CGNL1: variants seen among roughly 807,000 people sequenced by gnomAD.
The protein encoded by CGNL1 is cingulin like 1.
In CGNL1, 132 loss-of-function variants were observed where a neutral mutation model predicts 141.2. That is an observed-to-expected ratio of 0.93 (90% CI 0.81 to 1.08). The LOEUF is 1.08. Ranked by LOEUF, CGNL1 falls within the 50% of genes least tolerant of loss-of-function variation. CGNL1 has a pLI of 0.00. For synonymous variants in CGNL1, 690 were observed against 622.1 expected, an observed-to-expected ratio of 1.11 and a Z score of -1.63; for missense variants, 1,870 against 1,588.6, an observed-to-expected ratio of 1.18 and a Z score of -3.01.
chr15:57,417,348 C>A (rs1192293185), intron 1 of CGNL1, among the ~76,000 whole-genome samples: 1 of 152,170 alleles, frequency 6.6e-6, no homozygotes, highest in African/African-American at 2.4e-5. Context: ...ATTCTCATGC[C>A]TCAGCCTCCC....
chr15:57,531,188 T>C (rs1214409952), intron 13 of CGNL1, among the ~76,000 whole-genome samples: 1 of 152,268 alleles, frequency 6.6e-6, no homozygotes, highest in Non-Finnish European at 1.5e-5. Flanking sequence ...GTTAATCCAA[T>C]GCAGGTTTGG....
Position 57,452,208 on chromosome 15 carries a change from A to T in CGNL1, c.1973A>T (p.His658Leu). The T allele has an allele frequency of 1.2e-6, 2 of 1,614,104 alleles. No homozygotes were observed. Among genetic ancestry groups the T allele is most frequent in the Non-Finnish European group, 8.5e-7 (1 of 1,179,974 alleles). ...RANLEELRSQ[H>L]NEKVEENSTL... ...AACCTAGAAGAGCTCCGAAGCCAAC[A>T]CAACGAAAAGGTGGAGGAGAACTCC... The change falls in exon 6 of 19, where the codon CAC (histidine) becomes CTC (leucine). Residue 658 changes from histidine to leucine, a missense_variant. His to Leu is a moderately conservative substitution (Grantham distance 99). Transcript: ENST00000281282.
intron 7 of CGNL1, 73 bp downstream of exon 7, chr15:57,453,891 TG>T (rs772783710): frequency 2.2e-5 from 35 of 1,574,912 alleles, no homozygotes; most frequent in Admixed American, 3.4e-5. Context: ...CTAGGGTTTG[TG>T]GACTGCAAGC....
Position 57,543,746 on chromosome 15 carries a change from C to T in CGNL1, c.3342C>T (p.Asp1114=). 1 of 1,614,094 alleles carries T rather than the reference C, an allele frequency of 6.2e-7. No homozygotes were observed. The highest frequency in any genetic ancestry group is 8.5e-7 in the Non-Finnish European group (1 of 1,179,978). Residue 1114 remains aspartate, a synonymous_variant, in exon 15 of 19, where the codon GAC becomes GAT. Coordinates refer to ENST00000281282, the MANE Select transcript of CGNL1 (RefSeq NM_032866.5). ...TTCAGGAGAGAGCTGCGAGACAAGA[C>T]TTGGAGTGCGACAAGATTTCCCTGG... The part of the protein sequence containing the change: ...ELLQERAARQ[D]LECDKISLER...
In CGNL1 at chr15:57,472,388, T is replaced by G. The variant is rs557988180; in HGVS notation, c.2403+10496T>G. Among the ~76,000 whole-genome samples the G allele has an allele frequency of 2.0e-5, 3 of 152,276 alleles. No homozygotes were observed. The South Asian group carries it at 6.2e-4, about 32-fold the overall frequency. ...TAGGGAACAGCTCATGCAGCCTGTA[T>G]GGAGCATCCGAAGGACAGATTTTTA... On this transcript the variant is annotated intron_variant, in intron 8 of 18. Transcript: ENST00000281282.
At chr15:57,384,917 G>A (rs546520913) in intron 1 of CGNL1, among the ~76,000 whole-genome samples, 1 of 152,268 alleles carries the variant, frequency 6.6e-6, no homozygotes, top group Admixed American at 6.5e-5. Context: ...AGAGTGTGTG[G>A]GGAGTGTTTT....
In CGNL1 at chr15:57,439,007, C is replaced by T. The variant is rs1230647338; in HGVS notation, c.1008C>T (p.Pro336=). The change falls in exon 2 of 19, where the codon CCC becomes CCT. Residue 336 remains proline, a synonymous_variant. Transcript: ENST00000281282. ...GTCATGAAAACAGAAGGTATATTCC[C>T]TTCCTGCCAGGAACTGGACGGGATA... ...VNRHENRRYI[P]FLPGTGRDID... 2.5e-6 allele frequency: 4 copies of T among 1,614,094 alleles called. No individual in the cohort carries two copies. The highest frequency in any genetic ancestry group is 3.4e-6 in the Non-Finnish European group (4 of 1,180,044).
Position 57,439,244 on chromosome 15 carries a change from C to T in CGNL1, c.1245C>T (p.Ser415=), listed in dbSNP as rs930950607. The part of the protein sequence containing the change: ...IEFSRNLGKS[S]EHLLRPSQVC... ...TCAGTAGGAACTTGGGCAAGTCAAG[C>T]GAACACCTCCTCCGGCCTTCCCAGG... is the stretch of plus-strand genomic sequence containing the variant. Residue 415 remains serine, a synonymous_variant, in exon 2 of 19, where the codon AGC becomes AGT. Transcript: ENST00000281282. The T allele has an allele frequency of 7.4e-6, 12 of 1,613,974 alleles. No homozygotes were observed. The highest frequency in any genetic ancestry group is 2.2e-5 in the East Asian group (1 of 44,890).
intron 8 of CGNL1, among the ~76,000 whole-genome samples, chr15:57,463,430 G>A (rs1287282902): frequency 1.3e-5 from 2 of 152,156 alleles, no homozygotes; most frequent in African/African-American, 2.4e-5. Flanking sequence ...CATTTCAAGA[G>A]CGACAACTAC....
At chr15:57,475,873 G>A (rs11638422) in intron 8 of CGNL1, among the ~76,000 whole-genome samples, 6 of 151,952 alleles carry the variant, frequency 3.9e-5, no homozygotes, top group Non-Finnish European at 7.4e-5. Context: ...ATTTAAAATC[G>A]TGCCATCCTT....
chr15:57,403,829 C>G (rs1460591452), intron 1 of CGNL1, among the ~76,000 whole-genome samples: 4 of 152,180 alleles, frequency 2.6e-5, no homozygotes, highest in Admixed American at 2.6e-4. Flanking sequence ...CTGCTCTGTA[C>G]AAGGGCTGGC....
chr15:57,492,396 G>T (rs1354582944), intron 8 of CGNL1, among the ~76,000 whole-genome samples: 2 of 152,130 alleles, frequency 1.3e-5, no homozygotes, highest in Non-Finnish European at 2.9e-5. Flanking sequence ...GGAGTGCTAG[G>T]TTCTCATTTG....
At chr15:57,442,910 T>C (rs2063207750) in intron 4 of CGNL1, among the ~76,000 whole-genome samples, 1 of 152,232 alleles carries the variant, frequency 6.6e-6, no homozygotes, top group African/African-American at 2.4e-5. Context: ...TAAGCCACCA[T>C]GCTTGGCCTT....
At chr15:57,383,302 T>TTTTTTTTTTTTTG (rs1305823356) in intron 1 of CGNL1, among the ~76,000 whole-genome samples, 1 of 150,580 alleles carries the variant, frequency 6.6e-6, no homozygotes, top group African/African-American at 2.5e-5. Context: ...CTTTTTTTTT[T>TTTTTTTTTTTTTG]TTTGTTTTTT....
chr15:57,437,526 A>C (rs1340365432), intron 1 of CGNL1, among the ~76,000 whole-genome samples: 4 of 150,612 alleles, frequency 2.7e-5, no homozygotes, highest in Non-Finnish European at 4.4e-5. Context: ...AATTATTTTC[A>C]TGGAAAAGTA....
chr15:57,458,386 T>G (rs1179588991), intron 7 of CGNL1, among the ~76,000 whole-genome samples: 1 of 152,186 alleles, frequency 6.6e-6, no homozygotes, highest in Admixed American at 6.5e-5. Context: ...AAACTTCAAG[T>G]GCTACTAAGT....
At chr15:57,379,289 T>A (rs2062400895) in intron 1 of CGNL1, among the ~76,000 whole-genome samples, 1 of 151,410 alleles carries the variant, frequency 6.6e-6, no homozygotes, top group African/African-American at 2.5e-5. Flanking sequence ...CTAAGCACAT[T>A]TATTGCAATT....
chr15:57,437,855 G>A (rs2063126046), intron 1 of CGNL1, 130 bp from the exon 2 acceptor site: 2 of 919,300 alleles, frequency 2.2e-6, no homozygotes, highest in Admixed American at 2.3e-5. Context: ...GTTCTGAGGT[G>A]TCTTTGCTGT....
chr15:57,535,887 T>A (rs756980029), intron 14 of CGNL1, among the ~76,000 whole-genome samples: 1 of 152,190 alleles, frequency 6.6e-6, no homozygotes, highest in Non-Finnish European at 1.5e-5. Flanking sequence ...TTTGACCCTT[T>A]CCATGCCTCC....
Sources: allele counts gnomAD v4.1 joint callset (sites outside exome capture counted in the v4.1 genomes callset), GRCh38; gene constraint gnomAD v4.1.1; transcripts MANE v1.5; gene names NCBI Gene and HGNC (gene_info 2026-07-23, HGNC 2026-07-21).